Variants in UTRN observed in about 807,000 individuals in gnomAD.
UTRN encodes the protein utrophin.
A neutral mutation model predicts 463.9 loss-of-function variants in UTRN; 283 were observed. The observed-to-expected ratio is 0.61, with a 90% CI of 0.55 to 0.67. The LOEUF is 0.67. UTRN is among the 30% of genes least tolerant of loss of function. The pLI, the probability that UTRN is intolerant of heterozygous loss-of-function variation, is 0.00. For missense variants in UTRN, 3,922 were observed against 4,084.3 expected, an observed-to-expected ratio of 0.96 and a Z score of 1.08; for synonymous variants, 1,442 against 1,431.5, an observed-to-expected ratio of 1.01 and a Z score of -0.17.
chr6:144,527,554 C>T (rs978466212), intron 41 of UTRN, among the ~76,000 whole-genome samples: 2 of 152,172 alleles, frequency 1.3e-5, no homozygotes, highest in Admixed American at 6.5e-5. Flanking sequence ...CTAGCAAAGC[C>T]GGGAGGTTTT....
intron 2 of UTRN, among the ~76,000 whole-genome samples, chr6:144,336,635 C>T (rs1463481706): frequency 1.3e-5 from 2 of 152,128 alleles, no homozygotes; most frequent in Non-Finnish European, 2.9e-5. Flanking sequence ...CACTTGCTGA[C>T]CTTTGTTCCA....
intron 25 of UTRN, among the ~76,000 whole-genome samples, chr6:144,477,544 ACACACACACACACACACG>A (rs907069648): frequency 2.7e-5 from 4 of 149,920 alleles, no homozygotes; most frequent in African/African-American, 5.0e-5. Flanking sequence ...ACACACACAC[ACACACACACACACACACG>A]CACACACCCT....
At chr6:144,774,884 A>G (rs897710977) in intron 60 of UTRN, among the ~76,000 whole-genome samples, 2 of 152,232 alleles carry the variant, frequency 1.3e-5, no homozygotes, top group African/African-American at 4.8e-5. Context: ...GGATGTGTTC[A>G]GAGTGGAATT....
At position 144,330,790 on chromosome 6, in the gene UTRN, TG is replaced by T. The variant is rs113202460; in HGVS notation, c.79+38887del. 1.1e-3 allele frequency: 1,062 copies of T among 983,588 alleles called. 10 individuals are homozygous for T. The African/African-American group carries it at 0.016, about 14-fold the overall frequency. The allele number at this position is 983,588 out of a possible 1,614,324, so 60.9% of individuals were successfully genotyped here. Reference sequence around the variant, plus strand: ...ATGTGACCATTCTGGTCCGGGCAGTTGGGGAGGAACTCATCTATCCACGGTT... The same window carrying T: ...ATGTGACCATTCTGGTCCGGGCAGTTGGGAGGAACTCATCTATCCACGGTT... On this transcript the variant is annotated intron_variant, in intron 2 of 74. Coordinates refer to ENST00000367545, the MANE Select transcript of UTRN (RefSeq NM_007124.3).
intron 65 of UTRN, among the ~76,000 whole-genome samples, chr6:144,812,976 G>A (rs1424375616): frequency 1.3e-5 from 2 of 152,024 alleles, no homozygotes; most frequent in African/African-American, 4.8e-5. Flanking sequence ...CCACTTATCT[G>A]TGTAGGTTCA....
rs1777184763 is a variant in UTRN at position 144,342,167 on chromosome 6, A to T, written c.79+50260A>T. Among the ~76,000 whole-genome samples, 3 of 152,244 alleles carry T rather than the reference A, an allele frequency of 2.0e-5. No individual in the cohort carries two copies. The South Asian group carries it at 6.2e-4, about 31-fold the overall frequency. On this transcript the variant is annotated intron_variant, in intron 2 of 74. Transcript: ENST00000367545. ...CTTCATACCCAGCAGGATGGCAATA[A>T]TAAAAAAGACAAATAATAACAAATA...
At chr6:144,697,738 A>C (rs6570640) in intron 52 of UTRN, among the ~76,000 whole-genome samples, 2 of 151,948 alleles carry the variant, frequency 1.3e-5, no homozygotes, top group African/African-American at 4.8e-5. Context: ...TATTGTCTTC[A>C]TCCTCATAAT....
At chr6:144,343,389 C>G (rs1387322035) in intron 2 of UTRN, among the ~76,000 whole-genome samples, 1 of 150,592 alleles carries the variant, frequency 6.6e-6, no homozygotes, top group African/African-American at 2.5e-5. Context: ...CACACACACA[C>G]ACACACACAC....
At chr6:144,301,050 C>G (rs1032005663) in intron 2 of UTRN, among the ~76,000 whole-genome samples, 1 of 151,946 alleles carries the variant, frequency 6.6e-6, no homozygotes, top group Non-Finnish European at 1.5e-5. Context: ...CCCTAAAGCC[C>G]AGCTTTTTCG....
At chr6:144,289,538 T>C (rs1460021252) in intron 1 of UTRN, among the ~76,000 whole-genome samples, 10 of 152,198 alleles carry the variant, frequency 6.6e-5, no homozygotes, top group Admixed American at 6.5e-4. Context: ...CCTAGGCTGA[T>C]CTCAAACTTC....
At chr6:144,348,570 CTA>C (rs1777807058) in intron 2 of UTRN, among the ~76,000 whole-genome samples, 2 of 152,128 alleles carry the variant, frequency 1.3e-5, no homozygotes, top group Admixed American at 1.3e-4. Context: ...GACCAGGTAA[CTA>C]TAACTTACAG....
chr6:144,624,777 T>G (rs1436043739), intron 51 of UTRN, among the ~76,000 whole-genome samples: 3 of 152,172 alleles, frequency 2.0e-5, no homozygotes, highest in Non-Finnish European at 2.9e-5. Flanking sequence ...AAGTCAGGTC[T>G]TTACGAGAGC....
At chr6:144,670,467 T>C (rs1780894800) in intron 51 of UTRN, among the ~76,000 whole-genome samples, 1 of 152,130 alleles carries the variant, frequency 6.6e-6, no homozygotes, top group South Asian at 2.1e-4. Flanking sequence ...AAGTTTTTGA[T>C]GGGATTATTT....
intron 48 of UTRN, 97 bp from the exon 49 acceptor site, chr6:144,554,591 A>G (rs1179786964): frequency 4.6e-6 from 6 of 1,315,468 alleles, no homozygotes; most frequent in Middle Eastern, 2.6e-4. Flanking sequence ...TCTTCTGTTT[A>G]TAGACTTATT....
chr6:144,402,946 T>G (rs1052316839), intron 2 of UTRN, among the ~76,000 whole-genome samples, 177 bp from the exon 3 acceptor site: 1 of 152,076 alleles, frequency 6.6e-6, no homozygotes, highest in Non-Finnish European at 1.5e-5. Flanking sequence ...AGTGTTGGGC[T>G]CCATAAGTGT....
intron 3 of UTRN, among the ~76,000 whole-genome samples, chr6:144,405,171 G>C (rs1783275358): frequency 6.6e-6 from 1 of 152,208 alleles, no homozygotes; most frequent in Admixed American, 6.5e-5. Flanking sequence ...ACTACCAAAC[G>C]TGGGATGACT....
At chr6:144,758,360 T>TA (rs1792243456) in intron 58 of UTRN, 1 of 157,080 alleles carries the variant, frequency 6.4e-6, no homozygotes, top group Non-Finnish European at 1.4e-5. Context: ...ACTCTTGACA[T>TA]AATGATATTT....
At chr6:144,435,880 G>T (rs1786488922) in intron 9 of UTRN, 55 bp from the exon 10 acceptor site, 3 of 1,582,964 alleles carry the variant, frequency 1.9e-6, no homozygotes, top group African/African-American at 2.7e-5. Flanking sequence ...TGAGTTTGCT[G>T]AACACCTCTT....
Position 144,548,679 on chromosome 6 carries a change from CG to C in UTRN, c.6636del (p.Ser2213GlnfsTer23), listed in dbSNP as rs759686125. 54 of 1,613,918 alleles carry C rather than the reference CG, an allele frequency of 3.3e-5. No individual in the cohort carries two copies. Among genetic ancestry groups the C allele is most frequent in the Non-Finnish European group, 4.3e-5 (51 of 1,179,962 alleles). ...CAAAAGGTGGTGCTAGTATCATCTG[CG>C]TCAGATATTCCTGTTCAGTCTCATC... Reference protein sequence around the residue: ...NVQKVVLVSSASDIPVQSHRT... With the variant: ...NVQKVVLVSSXSDIPVQSHRT... On this transcript the variant is annotated frameshift_variant, in exon 47 of 75. Transcript: ENST00000367545. LOFTEE classifies it high-confidence loss of function.
Sources: gnomAD v4.1 joint callset for allele counts (sites outside exome capture counted in the v4.1 genomes callset) on GRCh38, gnomAD v4.1.1 for gene constraint, MANE v1.5 for transcripts, NCBI Gene and HGNC (gene_info 2026-07-23, HGNC 2026-07-21) for gene names.